The following ABTB2 variants were observed in gnomAD, a reference collection of about 807,000 sequenced individuals.
ABTB2 encodes ankyrin repeat and BTB/POZ domain-containing protein 2.
A neutral mutation model predicts 104.1 loss-of-function variants in ABTB2; 56 were observed. The ratio of observed to expected loss-of-function variants is 0.54; its 90% CI spans 0.43 to 0.67. ABTB2 has a LOEUF of 0.67. Among genes scored for constraint, ABTB2 ranks in the 30% least tolerant of loss-of-function variants. ABTB2 has a pLI of 0.00. For missense variants in ABTB2, 1,279 were observed against 1,407.7 expected (o/e 0.91, Z 1.46); for synonymous variants, 606 against 608.2 (o/e 1.00, Z 0.05).
chr11:34,191,254 G>C (rs1853171252), intron 3 of ABTB2, among the ~76,000 whole-genome samples: 1 of 152,214 alleles, frequency 6.6e-6, no homozygotes, highest in Non-Finnish European at 1.5e-5. Context: ...GGGTGACAGA[G>C]TGAGCCAGTC....
In ABTB2 at chr11:34,178,101, G is replaced by T. The variant is rs150736416; in HGVS notation, c.1245-4794C>A. Among the ~76,000 whole-genome samples the T allele has an allele frequency of 6.6e-3, 1,004 of 152,254 alleles. 3 individuals carry two copies. The highest frequency in any genetic ancestry group is 0.014 in the Admixed American group (219 of 15,292). On this transcript the variant is annotated intron_variant, in intron 3 of 16. Coordinates refer to ENST00000435224, the MANE Select transcript of ABTB2 (RefSeq NM_145804.3). ...ATACCCAGAATGCTGCTTCCTGAATGAAAACTGATTAATACTTTCAATATA... is the reference window on the plus strand; with the variant it reads ...ATACCCAGAATGCTGCTTCCTGAATTAAAACTGATTAATACTTTCAATATA...
At chr11:34,207,814 G>A (rs750212725) in intron 1 of ABTB2, among the ~76,000 whole-genome samples, 4 of 152,266 alleles carry the variant, frequency 2.6e-5, no homozygotes, top group Non-Finnish European at 4.4e-5. Flanking sequence ...CCTTTCTCGA[G>A]CTAGGCAGCG....
intron 1 of ABTB2, among the ~76,000 whole-genome samples, chr11:34,297,785 T>A (rs2467366): frequency 0.29 from 18,973 of 65,462 alleles, 3,495 homozygotes; most frequent in African/African-American, 0.54. Flanking sequence ...AAAAAAAAAA[T>A]AAAAATAAAG....
intron 3 of ABTB2, among the ~76,000 whole-genome samples, chr11:34,194,404 A>G (rs1853220765): frequency 6.6e-6 from 1 of 152,198 alleles, no homozygotes; most frequent in Admixed American, 6.5e-5. Context: ...GGGCTTCAGG[A>G]GGATGAAGTG....
At chr11:34,218,070 G>A (rs7933069) in intron 1 of ABTB2, among the ~76,000 whole-genome samples, 13,200 of 152,210 alleles carry the variant, frequency 0.087, 1,925 homozygotes, top group African/African-American at 0.3. Flanking sequence ...AAATTTAGTT[G>A]CCATCTGCAT....
chr11:34,319,567 G>A (rs181364881), intron 1 of ABTB2, among the ~76,000 whole-genome samples: 224 of 152,326 alleles, frequency 1.5e-3, no homozygotes, highest in African/African-American at 4.9e-3. Context: ...AGACCTGAGC[G>A]TGAGCTTCCC....
intron 1 of ABTB2, among the ~76,000 whole-genome samples, chr11:34,266,509 C>T (rs1000273781): frequency 6.6e-6 from 1 of 152,178 alleles, no homozygotes; most frequent in Non-Finnish European, 1.5e-5. Context: ...CTCCAGCAAG[C>T]AGGAAAACAG....
Position 34,357,230 on chromosome 11 carries a change from G to C in ABTB2, c.354C>G (p.Pro118=), listed in dbSNP as rs1332379613. 3 of 1,507,756 alleles carry C rather than the reference G, an allele frequency of 2.0e-6. No homozygotes were observed. Among genetic ancestry groups the C allele is most frequent in the African/African-American group, 2.8e-5 (2 of 70,642 alleles). The allele number at this position is 1,507,756 out of a possible 1,614,324, so 93.4% of individuals were successfully genotyped here. Residue 118 remains proline (P), a synonymous_variant, in exon 1 of 17, where the codon CCC becomes CCG. Coordinates refer to ENST00000435224, the MANE Select transcript of ABTB2 (RefSeq NM_145804.3). Reference sequence around the variant, plus strand: ...GCCTCACCGCCTCGGCGGAGAACTGGGGCAGCCGCCGGCCGCCAGCGCCTT... The same window carrying C: ...GCCTCACCGCCTCGGCGGAGAACTGCGGCAGCCGCCGGCCGCCAGCGCCTT... The part of the protein sequence containing the change: ...LRKGAGGRRL[P]QFSAEAVRRL...
chr11:34,172,404 A>AT (rs1171296444), intron 4 of ABTB2, among the ~76,000 whole-genome samples: 4 of 66,984 alleles, frequency 6.0e-5, no homozygotes, highest in African/African-American at 2.1e-4. Flanking sequence ...AAATATATAT[A>AT]TATATATATA....
rs565711172 is a variant in ABTB2, at chr11:34,204,536, A to T, written c.1030+8T>A. On this transcript the variant is annotated splice_region_variant and intron_variant, in intron 2 of 16. Coordinates refer to ENST00000435224, the MANE Select transcript of ABTB2 (RefSeq NM_145804.3). ...TACCATCCAGCTAGACACTGAGGCCACACTTACTCAGCTCCGAGATGCTGC... is the reference window on the plus strand; with the variant it reads ...TACCATCCAGCTAGACACTGAGGCCTCACTTACTCAGCTCCGAGATGCTGC... 25 of 1,597,484 alleles carry T rather than the reference A, an allele frequency of 1.6e-5. 2 individuals are homozygous for T. The South Asian group carries it at 2.8e-4, about 18-fold the overall frequency.
intron 3 of ABTB2, among the ~76,000 whole-genome samples, chr11:34,192,650 T>A (rs181213820): frequency 5.3e-5 from 8 of 152,338 alleles, no homozygotes; most frequent in South Asian, 4.1e-4. Flanking sequence ...GAGGCCAGGA[T>A]CTGAGGCTTA....
At chr11:34,341,602 T>C (rs1205533401) in intron 1 of ABTB2, among the ~76,000 whole-genome samples, 1 of 152,172 alleles carries the variant, frequency 6.6e-6, no homozygotes, top group Non-Finnish European at 1.5e-5. Context: ...ACTGAGGAAA[T>C]GGTTTTTTTT....
chr11:34,166,419 C>T (rs1590204318), intron 7 of ABTB2, among the ~76,000 whole-genome samples: 3 of 152,364 alleles, frequency 2.0e-5, no homozygotes, highest in East Asian at 3.9e-4. Flanking sequence ...CCCTGCAGGC[C>T]CAGTCTGAAC....
chr11:34,266,318 C>T (rs559457533), intron 1 of ABTB2, among the ~76,000 whole-genome samples: 1 of 152,286 alleles, frequency 6.6e-6, no homozygotes, highest in South Asian at 2.1e-4. Context: ...CTCCTGGGCT[C>T]AAGCAATCTT....
Position 34,174,654 on chromosome 11 carries a change from C to T in ABTB2, c.1245-1347G>A, listed in dbSNP as rs570382731. Among the ~76,000 whole-genome samples, 20 of 152,360 alleles carry T rather than the reference C, an allele frequency of 1.3e-4. No homozygotes were observed. In the South Asian group the frequency reaches 1.7e-3, roughly 13 times the overall value. On this transcript the variant is annotated intron_variant, in intron 3 of 16. Coordinates refer to ENST00000435224, the MANE Select transcript of ABTB2 (RefSeq NM_145804.3). ...GCTCTGGCAAGGCTCCGTGTTGGAG[C>T]CCCCTCAGGAGACCACTTCGCCGTC...
Position 34,357,760 on chromosome 11 carries a change from C to T in ABTB2, c.-177G>A. Reference sequence around the variant, plus strand: ...AGGCCGCGGGAAGGTGGCCGAGATCCGTGGCCAGCAGGAGCCCCACGCTCC... The same window carrying T: ...AGGCCGCGGGAAGGTGGCCGAGATCTGTGGCCAGCAGGAGCCCCACGCTCC... On this transcript the variant is annotated 5_prime_UTR_variant, in exon 1 of 17. Coordinates refer to ENST00000435224, the MANE Select transcript of ABTB2 (RefSeq NM_145804.3). The T allele has an allele frequency of 1.5e-6, 1 of 682,746 alleles. No individual in the cohort carries two copies. The highest frequency in any genetic ancestry group is 2.3e-6 in the Non-Finnish European group (1 of 441,656). The allele number at this position is 682,746 out of a possible 1,614,324, so 42.3% of individuals were successfully genotyped here.
chr11:34,194,223 T>A (rs1024636633), intron 3 of ABTB2, among the ~76,000 whole-genome samples: 1 of 152,176 alleles, frequency 6.6e-6, no homozygotes, highest in Non-Finnish European at 1.5e-5. Flanking sequence ...CTCCCATGTG[T>A]GCAAGGCAGT....
intron 2 of ABTB2, among the ~76,000 whole-genome samples, chr11:34,199,090 G>A (rs1424095829): frequency 2.0e-5 from 3 of 152,168 alleles, no homozygotes; most frequent in East Asian, 1.9e-4. Context: ...TACATACTAG[G>A]TTCTCAGCAG....
chr11:34,313,802 ACACT>A (rs139820870), intron 1 of ABTB2, among the ~76,000 whole-genome samples: 7,530 of 152,332 alleles, frequency 0.049, 210 homozygotes, highest in Non-Finnish European at 0.065. Flanking sequence ...TGATGAACAC[ACACT>A]CACTATGTCC....
Sources: gnomAD v4.1 joint callset for allele counts (sites outside exome capture counted in the v4.1 genomes callset) on GRCh38, gnomAD v4.1.1 for gene constraint, MANE v1.5 for transcripts, NCBI Gene and HGNC (gene_info 2026-07-23, HGNC 2026-07-21) for gene names.